The following ZNF790 variants were observed in gnomAD, a reference collection of about 807,000 sequenced individuals.
ZNF790 encodes the protein zinc finger protein 790.
ZNF790 carries 8 observed loss-of-function variants against 12.1 expected under a neutral mutation model. The observed-to-expected ratio is 0.66, with a 90% CI of 0.39 to 1.19. ZNF790 has a LOEUF of 1.19. ZNF790 is among the 50% of genes most tolerant of loss of function. The pLI is 0.01. For synonymous variants in ZNF790, 252 were observed against 244.3 expected, an observed-to-expected ratio of 1.03 and a Z score of -0.29; for missense variants, 707 against 752.2, an observed-to-expected ratio of 0.94 and a Z score of 0.70.
At chr19:36,845,974 A>T (rs1209148297) in intron 1 of ZNF790, among the ~76,000 whole-genome samples, 2 of 151,740 alleles carry the variant, frequency 1.3e-5, no homozygotes, top group East Asian at 1.9e-4. Context: ...ACACTTGGCT[A>T]ATTTTTGTAT....
chr19:36,848,742 A>G (rs2072205686), intron 1 of ZNF790, among the ~76,000 whole-genome samples: 1 of 152,010 alleles, frequency 6.6e-6, no homozygotes, highest in Non-Finnish European at 1.5e-5. Flanking sequence ...CCCCATACAG[A>G]GATGGGGGTT....
chr19:36,849,237 T>C (rs2072215814), intron 1 of ZNF790, among the ~76,000 whole-genome samples: 1 of 152,160 alleles, frequency 6.6e-6, no homozygotes, highest in African/African-American at 2.4e-5. Context: ...CTTCCTGCCA[T>C]TGTTAAAAGC....
At chr19:36,846,999 T>C (rs2072186170) in intron 1 of ZNF790, among the ~76,000 whole-genome samples, 1 of 152,154 alleles carries the variant, frequency 6.6e-6, no homozygotes, top group South Asian at 2.1e-4. Context: ...TCCATGCCCA[T>C]GGTTCTTGGT....
intron 1 of ZNF790, among the ~76,000 whole-genome samples, chr19:36,835,970 A>G (rs1353192716): frequency 3.3e-5 from 5 of 151,998 alleles, no homozygotes; most frequent in African/African-American, 1.2e-4. Flanking sequence ...CCCCTTTGCA[A>G]AGTCCTTTTT....
Position 36,818,934 on chromosome 19 carries a change from T to C in ZNF790, c.1410A>G (p.Lys470=). The change falls in exon 5 of 5, where the codon AAA becomes AAG. Residue 470 remains lysine, a synonymous_variant. Coordinates refer to ENST00000356725, the MANE Select transcript of ZNF790 (RefSeq NM_206894.4). ...CATAGTTTCTCTCACCAGTATGAATTTTCTGATGTCGATTAAACTCTGAGC... is the reference window on the plus strand; with the variant it reads ...CATAGTTTCTCTCACCAGTATGAATCTTCTGATGTCGATTAAACTCTGAGC... ...LHGSEFNRHQ[K]IHTGERNYEC... 1.2e-6 allele frequency: 2 copies of C among 1,610,384 alleles called. No individual in the cohort carries two copies. Among genetic ancestry groups the C allele is most frequent in the African/African-American group, 2.7e-5 (2 of 74,910 alleles).
At chr19:36,832,070 C>G (rs1284167324) in intron 1 of ZNF790, among the ~76,000 whole-genome samples, 1 of 152,056 alleles carries the variant, frequency 6.6e-6, no homozygotes, top group Admixed American at 6.6e-5. Context: ...TATATCCAGC[C>G]AAGCTGTCAT....
At chr19:36,831,681 G>T (rs948286180) in intron 1 of ZNF790, among the ~76,000 whole-genome samples, 56 of 152,162 alleles carry the variant, frequency 3.7e-4, no homozygotes, top group African/African-American at 1.4e-3. Flanking sequence ...AAAATGAAAA[G>T]AGAGATCCAA....
intron 1 of ZNF790, chr19:36,837,533 A>G (rs565111467): frequency 6.6e-6 from 1 of 152,182 alleles, no homozygotes; most frequent in Non-Finnish European, 1.5e-5. Context: ...GTTGACCTCT[A>G]CCAAACACAG....
intron 1 of ZNF790, among the ~76,000 whole-genome samples, chr19:36,831,355 A>G (rs2071941980): frequency 1.2e-5 from 1 of 85,060 alleles, no homozygotes; most frequent in South Asian, 3.0e-4. Context: ...AAAGTAATAG[A>G]TAGACCATAG....
chr19:36,837,154 C>T (rs2072062759), intron 1 of ZNF790, among the ~76,000 whole-genome samples: 1 of 152,194 alleles, frequency 6.6e-6, no homozygotes, highest in African/African-American at 2.4e-5. Flanking sequence ...ACTGTCTTTT[C>T]GGACATTGTA....
chr19:36,827,139 C>T (rs867510856), intron 1 of ZNF790, among the ~76,000 whole-genome samples: 79 of 70,170 alleles, frequency 1.1e-3, no homozygotes, highest in African/African-American at 4.1e-3. Context: ...CACACACACA[C>T]ACATATATAT....
Position 36,823,753 on chromosome 19 carries a change from T to G in ZNF790, c.47A>C (p.Gln16Pro), listed in dbSNP as rs1208500940. Residue 16 changes from glutamine (Q) to proline (P), a missense_variant, in exon 3 of 5, where the codon CAG becomes CCG. Physicochemically the swap from Gln to Pro is moderately conservative, Grantham distance 76. Coordinates refer to ENST00000356725, the MANE Select transcript of ZNF790 (RefSeq NM_206894.4). Reference sequence around the variant, plus strand: ...CAGGTCCAGGCACTCCCACTCCTCCTGAGAGAAATCTACAGCCACATCCCT... The same window carrying G: ...CAGGTCCAGGCACTCCCACTCCTCCGGAGAGAAATCTACAGCCACATCCCT... ...MFRDVAVDFS[Q>P]EEWECLDLEQ... The G allele has an allele frequency of 1.2e-6, 2 of 1,613,068 alleles. No individual in the cohort carries two copies. The highest frequency in any genetic ancestry group is 4.5e-5 in the East Asian group (2 of 44,842).
intron 4 of ZNF790, among the ~76,000 whole-genome samples, chr19:36,820,698 GT>G (rs2071648276): frequency 1.3e-5 from 2 of 152,106 alleles, no homozygotes; most frequent in Admixed American, 6.6e-5. Context: ...GAGCCCAGAA[GT>G]TTGAGACCAG....
intron 3 of ZNF790, 73 bp from the exon 4 acceptor site, chr19:36,823,453 A>G: frequency 6.9e-7 from 1 of 1,441,270 alleles, no homozygotes; most frequent in Non-Finnish European, 9.6e-7. Flanking sequence ...TTCTTTGGTT[A>G]CTAAGGAAGA....
chr19:36,834,786 C>T (rs180686907), intron 1 of ZNF790, among the ~76,000 whole-genome samples: 12 of 152,134 alleles, frequency 7.9e-5, no homozygotes, highest in Admixed American at 6.5e-5. Context: ...ATGAGAATAA[C>T]GTATTGTCTG....
chr19:36,844,292 T>G (rs1037997544), intron 1 of ZNF790, among the ~76,000 whole-genome samples: 1 of 129,300 alleles, frequency 7.7e-6, no homozygotes, highest in Non-Finnish European at 1.6e-5. Context: ...GCCTGAGCAA[T>G]AAAGCAAGAC....
intron 1 of ZNF790, among the ~76,000 whole-genome samples, chr19:36,829,375 A>G (rs901876363): frequency 6.6e-6 from 1 of 152,212 alleles, no homozygotes; most frequent in Non-Finnish European, 1.5e-5. Context: ...TTTCATATGA[A>G]TGGAATAACA....
chr19:36,843,526 C>T (rs990524184), intron 1 of ZNF790, among the ~76,000 whole-genome samples: 2 of 152,168 alleles, frequency 1.3e-5, no homozygotes, highest in Non-Finnish European at 2.9e-5. Context: ...GGAGCCCTGA[C>T]TCAACTCAAT....
chr19:36,832,589 C>T (rs1175883291), intron 1 of ZNF790, among the ~76,000 whole-genome samples: 1 of 152,054 alleles, frequency 6.6e-6, no homozygotes, highest in Non-Finnish European at 1.5e-5. Context: ...ATCCTCTAGT[C>T]CCTGTTATGC....
Sources: gnomAD v4.1 joint callset for allele counts (sites outside exome capture counted in the v4.1 genomes callset) on GRCh38, gnomAD v4.1.1 for gene constraint, MANE v1.5 for transcripts, NCBI Gene and HGNC (gene_info 2026-07-23, HGNC 2026-07-21) for gene names.